The following TANGO6 variants were observed in gnomAD, a reference collection of about 807,000 sequenced individuals.
TANGO6 encodes transport and Golgi organization protein 6 homolog.
Under a neutral mutation model 114.2 loss-of-function variants are expected in TANGO6, and 90 were observed. That is an observed-to-expected ratio of 0.79 (90% CI 0.66 to 0.94). The LOEUF is 0.94. Among genes scored for constraint, TANGO6 ranks in the 40% least tolerant of loss-of-function variants. TANGO6 has a pLI of 0.00. For missense variants in TANGO6, 1,274 were observed against 1,315.3 expected, an observed-to-expected ratio of 0.97 and a Z score of 0.49; for synonymous variants, 477 against 509.8, an observed-to-expected ratio of 0.94 and a Z score of 0.87.
Position 68,860,149 on chromosome 16 carries a change from AC to A in TANGO6, c.363del (p.Asn122ThrfsTer11). The A allele has an allele frequency of 6.2e-7, 1 of 1,613,934 alleles. No homozygotes were observed. The highest frequency in any genetic ancestry group is 8.5e-7 in the Non-Finnish European group (1 of 1,179,868). The part of the protein sequence containing the change: ...RLAANFNPGK[P>X]NPRTPEVAPA... ...TTGCAGCTAATTTCAATCCAGGTAA[AC>A]CCAACCCTAGGACTCCGGAAGTTGC... On this transcript the variant is annotated frameshift_variant, in exon 2 of 18. Coordinates refer to ENST00000261778, the MANE Select transcript of TANGO6 (RefSeq NM_024562.2). LOFTEE classifies it high-confidence loss of function.
rs191995150 is a variant in TANGO6, at chr16:68,877,904, G to A, written c.1132-214G>A. On this transcript the variant is annotated intron_variant, in intron 5 of 17. Transcript: ENST00000261778. ...ATTACAGGCGTGAGCCACCACACCC[G>A]GCCAAAAAATTTTTTTAATTAAAAA... is the stretch of plus-strand genomic sequence containing the variant. Among the ~76,000 whole-genome samples, 55 of 152,116 alleles carry A rather than the reference G, an allele frequency of 3.6e-4. No individual in the cohort carries two copies. In the East Asian group the frequency reaches 8.1e-3, roughly 22 times the overall value.
At chr16:68,966,103 C>A (rs1266746717) in intron 14 of TANGO6, among the ~76,000 whole-genome samples, 11 of 152,138 alleles carry the variant, frequency 7.2e-5, no homozygotes, top group Non-Finnish European at 1.2e-4. Flanking sequence ...TGTGGTGGCA[C>A]ACACCTATAG....
At chr16:69,054,758 A>T (rs376710633) in intron 17 of TANGO6, among the ~76,000 whole-genome samples, 1 of 146,160 alleles carries the variant, frequency 6.8e-6, no homozygotes, top group South Asian at 2.2e-4. Context: ...ACGGTGAAAC[A>T]CCATCTCTAC....
At chr16:69,072,026 C>CGT (rs58310609) in intron 17 of TANGO6, among the ~76,000 whole-genome samples, 34,045 of 92,712 alleles carry the variant, frequency 0.37, 6,759 homozygotes, top group Admixed American at 0.4. Context: ...AGAGGGAGAC[C>CGT]GTGTGTGTGT....
Position 68,974,078 on chromosome 16 carries a change from TTGGCTCAA to T in TANGO6, c.2754_2761del (p.Ala919Ter). 6.2e-7 allele frequency: 1 copy of T among 1,613,576 alleles called. No homozygotes were observed. Among genetic ancestry groups the T allele is most frequent in the Non-Finnish European group, 8.5e-7 (1 of 1,179,734 alleles). On this transcript the variant is annotated frameshift_variant, in exon 15 of 18. Coordinates refer to ENST00000261778, the MANE Select transcript of TANGO6 (RefSeq NM_024562.2). LOFTEE classifies it high-confidence loss of function. ...TCCTGAGAAAATCTTGCCGGACTTG[TTGGCTCAA>T]TATGACAGCAGCAAAGACAAGCACA...
intron 1 of TANGO6, among the ~76,000 whole-genome samples, chr16:68,844,708 G>A (rs1479846573): frequency 6.6e-6 from 1 of 152,128 alleles, no homozygotes; most frequent in East Asian, 1.9e-4. Flanking sequence ...ATAGTAGGCT[G>A]TTGACATACA....
intron 17 of TANGO6, among the ~76,000 whole-genome samples, chr16:69,074,304 G>A (rs1960340410): frequency 6.6e-6 from 1 of 151,542 alleles, no homozygotes; most frequent in African/African-American, 2.4e-5. Flanking sequence ...TTACAGAAAA[G>A]GAGTCCCGAT....
At chr16:69,020,922 G>A (rs902796513) in intron 15 of TANGO6, among the ~76,000 whole-genome samples, 1 of 151,006 alleles carries the variant, frequency 6.6e-6, no homozygotes, top group Non-Finnish European at 1.5e-5. Flanking sequence ...GTGTGTGTGT[G>A]TGTGTGTGTG....
chr16:69,036,843 G>C (rs1959696231), intron 16 of TANGO6, among the ~76,000 whole-genome samples: 1 of 152,038 alleles, frequency 6.6e-6, no homozygotes, highest in Admixed American at 6.6e-5. Flanking sequence ...CACGCCTGTA[G>C]TCCCAGCTAC....
intron 15 of TANGO6, among the ~76,000 whole-genome samples, chr16:68,984,054 AG>A (rs1963869306): frequency 6.6e-6 from 1 of 151,606 alleles, no homozygotes; most frequent in Non-Finnish European, 1.5e-5. Flanking sequence ...AAAAAAAAAA[AG>A]AAAAATAGCT....
intron 7 of TANGO6, among the ~76,000 whole-genome samples, chr16:68,893,735 C>CA (rs796546769): frequency 0.44 from 26,328 of 59,884 alleles, 4,079 homozygotes; most frequent in African/African-American, 0.58. Context: ...AACTGTGTCT[C>CA]AAAAAAAAAA....
chr16:68,969,185 A>G (rs567557608), intron 14 of TANGO6, among the ~76,000 whole-genome samples: 96 of 152,182 alleles, frequency 6.3e-4, no homozygotes, highest in African/African-American at 2.3e-3. Context: ...CTCATTACCA[A>G]AGGGATTGAT....
intron 17 of TANGO6, among the ~76,000 whole-genome samples, chr16:69,041,751 C>CT (rs1482878786): frequency 6.6e-6 from 1 of 152,180 alleles, no homozygotes; most frequent in East Asian, 1.9e-4. Flanking sequence ...AACTTATCTG[C>CT]TATGAGCATG....
At chr16:68,854,087 T>C (rs1159375337) in intron 1 of TANGO6, among the ~76,000 whole-genome samples, 1 of 152,234 alleles carries the variant, frequency 6.6e-6, no homozygotes, top group Non-Finnish European at 1.5e-5. Flanking sequence ...TTTTTAGAAC[T>C]GTATATTTTG....
intron 15 of TANGO6, among the ~76,000 whole-genome samples, chr16:68,990,341 A>G (rs1381703125): frequency 4.6e-5 from 7 of 152,234 alleles, no homozygotes; most frequent in Admixed American, 1.3e-4. Flanking sequence ...GCAAAGCCAC[A>G]TCTTGCCACA....
intron 7 of TANGO6, among the ~76,000 whole-genome samples, chr16:68,887,714 T>G (rs1383575175): frequency 1.3e-5 from 2 of 152,008 alleles, no homozygotes; most frequent in Non-Finnish European, 2.9e-5. Flanking sequence ...CTGTTTCTAC[T>G]AAAAATACAA....
intron 1 of TANGO6, among the ~76,000 whole-genome samples, chr16:68,850,542 A>G (rs1267295520): frequency 6.6e-6 from 1 of 152,204 alleles, no homozygotes; most frequent in Non-Finnish European, 1.5e-5. Flanking sequence ...CTCAGGATAT[A>G]CAAAATTCTT....
Position 68,907,587 on chromosome 16 carries a change from C to G in TANGO6, c.1800+12C>G, listed in dbSNP as rs368179213. The G allele has an allele frequency of 1.2e-6, 2 of 1,607,754 alleles. No individual in the cohort carries two copies. The highest frequency in any genetic ancestry group is 2.7e-5 in the African/African-American group (2 of 74,770). On this transcript the variant is annotated intron_variant, in intron 10 of 17. Transcript: ENST00000261778. ...TCTTCTGTTTGAAAGTAAGAACTAC[C>G]TGTAGTTCCTGGTCAGTGTTGTTCC...
chr16:69,009,996 T>C (rs950217444), intron 15 of TANGO6, among the ~76,000 whole-genome samples: 1 of 152,212 alleles, frequency 6.6e-6, no homozygotes, highest in African/African-American at 2.4e-5. Flanking sequence ...ACTGTGCGAT[T>C]GATGACCTGA....
Sources: gnomAD v4.1 joint callset for allele counts (sites outside exome capture counted in the v4.1 genomes callset) on GRCh38, gnomAD v4.1.1 for gene constraint, MANE v1.5 for transcripts, NCBI Gene and HGNC (gene_info 2026-07-23, HGNC 2026-07-21) for gene names.